Variants in CTNNA3 observed in about 807,000 individuals in gnomAD.
The protein encoded by CTNNA3 is catenin alpha-3.
Under a neutral mutation model 95.7 loss-of-function variants are expected in CTNNA3, and 76 were observed. The observed-to-expected ratio is 0.79, with a 90% CI of 0.66 to 0.96. The LOEUF is 0.96. Among genes scored for constraint, CTNNA3 ranks in the 40% least tolerant of loss-of-function variants. The probability of loss-of-function intolerance (pLI) is 0.00; values close to 1 mark genes in which losing one functional copy is unlikely to be tolerated. For synonymous variants in CTNNA3, 431 were observed against 374.4 expected (o/e 1.15, Z -1.74); for missense variants, 1,191 against 1,089.8 (o/e 1.09, Z -1.31).
chr10:66,619,224 G>A (rs1024797746), intron 10 of CTNNA3, among the ~76,000 whole-genome samples: 1 of 151,282 alleles, frequency 6.6e-6, no homozygotes, highest in South Asian at 2.1e-4. Context: ...TATACCCAAA[G>A]GACTATAAAT....
chr10:66,570,283 T>C lies in CTNNA3; in HGVS notation c.1375-49510A>G, dbSNP rs780681528. Among the ~76,000 whole-genome samples the C allele has an allele frequency of 5.8e-4, 82 of 140,304 alleles. 2 individuals are homozygous for C. The highest frequency in any genetic ancestry group is 9.5e-4 in the Non-Finnish European group (64 of 67,204). 92.0% of individuals were successfully genotyped at this position (140,304 alleles called of 152,430 possible). A position where few individuals can be genotyped will look rare whatever the true frequency, so the allele number is the denominator to read the frequency against. ...TACCTTTCAAAAATATGATTTGTTT[T>C]GTTTTGTTTTGTTTTGTTTTGTTTT... On this transcript the variant is annotated intron_variant, in intron 10 of 17. Coordinates refer to ENST00000433211, the MANE Select transcript of CTNNA3 (RefSeq NM_013266.4).
intron 1 of CTNNA3, among the ~76,000 whole-genome samples, chr10:67,728,175 T>C (rs1841254787): frequency 6.8e-6 from 1 of 147,678 alleles, no homozygotes. Context: ...GAATATAAGC[T>C]GGGCCCAGTG....
At chr10:67,041,029 G>A (rs543432282) in intron 7 of CTNNA3, among the ~76,000 whole-genome samples, 2 of 152,102 alleles carry the variant, frequency 1.3e-5, no homozygotes, top group East Asian at 3.9e-4. Flanking sequence ...AGAAAAAGCA[G>A]ATCTTTTTAC....
intron 15 of CTNNA3, among the ~76,000 whole-genome samples, chr10:66,063,000 T>C (rs12356900): frequency 6.6e-6 from 1 of 151,716 alleles, no homozygotes; most frequent in African/African-American, 2.4e-5. Flanking sequence ...GAGGGAGACA[T>C]GTACAGAGCA....
chr10:66,714,286 T>C (rs1281269216), intron 9 of CTNNA3, among the ~76,000 whole-genome samples: 1 of 152,132 alleles, frequency 6.6e-6, no homozygotes, highest in Non-Finnish European at 1.5e-5. Context: ...TCAATTAAAT[T>C]GCACCTTTAC....
chr10:66,395,001 CTAAG>C (rs930868046), intron 11 of CTNNA3, among the ~76,000 whole-genome samples: 7 of 151,882 alleles, frequency 4.6e-5, no homozygotes, highest in African/African-American at 1.7e-4. Flanking sequence ...GTAAATTTTA[CTAAG>C]TTTTTATTTA....
chr10:67,370,103 G>T (rs926851573), intron 5 of CTNNA3, among the ~76,000 whole-genome samples: 11 of 152,242 alleles, frequency 7.2e-5, no homozygotes, highest in Middle Eastern at 3.4e-3. Context: ...AATGGCAAAA[G>T]ATTGAAAATC....
chr10:67,324,419 C>A (rs1234300173), intron 5 of CTNNA3, among the ~76,000 whole-genome samples: 2 of 152,058 alleles, frequency 1.3e-5, no homozygotes, highest in African/African-American at 4.8e-5. Context: ...TCCTTCAATA[C>A]CTAGTTTATT....
upstream of CTNNA3, among the ~76,000 whole-genome samples, chr10:67,698,288 T>C (rs187360217): frequency 6.6e-6 from 1 of 152,208 alleles, no homozygotes; most frequent in East Asian, 1.9e-4. Context: ...GGGCCATTAC[T>C]AGCAATTCTC....
At position 67,083,388 on chromosome 10, in the gene CTNNA3, T is replaced by G. The variant is rs576377185; in HGVS notation, c.1047+96929A>C. ...TTCTTGGGGCTACCATCTAGGAAAT[T>G]TGTCTCAGTGCAAAAAAAAAAAGTA... On this transcript the variant is annotated intron_variant, in intron 7 of 17. Transcript: ENST00000433211. Among the ~76,000 whole-genome samples, 48 of 152,036 alleles carry G rather than the reference T, an allele frequency of 3.2e-4. No individual in the cohort carries two copies. In the South Asian group the frequency reaches 8.7e-3, roughly 28 times the overall value.
At chr10:66,780,239 T>C (rs1209882495) in intron 7 of CTNNA3, among the ~76,000 whole-genome samples, 1 of 152,020 alleles carries the variant, frequency 6.6e-6, no homozygotes, top group Non-Finnish European at 1.5e-5. Flanking sequence ...AATCAGTCCA[T>C]TATATCAAAC....
At chr10:66,839,717 G>A (rs560090492) in intron 7 of CTNNA3, among the ~76,000 whole-genome samples, 15 of 151,868 alleles carry the variant, frequency 9.9e-5, no homozygotes, top group South Asian at 4.2e-4. Flanking sequence ...AAGAACATTC[G>A]GAAAAACACA....
At chr10:66,241,156 TA>T (rs66754859) in intron 13 of CTNNA3, among the ~76,000 whole-genome samples, 114,512 of 151,364 alleles carry the variant, frequency 0.76, 43,560 homozygotes, top group South Asian at 0.87. Flanking sequence ...TTAAAAGGGT[TA>T]AAAAAAAACA....
rs138857818 is a variant in CTNNA3 at position 67,113,533 on chromosome 10, A to C, written c.1047+66784T>G. On this transcript the variant is annotated intron_variant, in intron 7 of 17. Coordinates refer to ENST00000433211, the MANE Select transcript of CTNNA3 (RefSeq NM_013266.4). ...GAAACATATTCTCAGGTGATCGGTT[A>C]GAGTCCAACAAGGTTTATTTTCAAA... Among the ~76,000 whole-genome samples the C allele has an allele frequency of 2.3e-3, 346 of 152,312 alleles. 2 individuals carry two copies. The highest frequency in any genetic ancestry group is 8.2e-3 in the African/African-American group (339 of 41,578).
At chr10:66,817,969 G>T (rs1440442414) in intron 7 of CTNNA3, among the ~76,000 whole-genome samples, 1 of 151,836 alleles carries the variant, frequency 6.6e-6, no homozygotes, top group African/African-American at 2.4e-5. Context: ...TTCCAGGAAG[G>T]CAAGACCGTT....
At chr10:65,949,817 A>G (rs1344100430) in intron 17 of CTNNA3, among the ~76,000 whole-genome samples, 1 of 152,094 alleles carries the variant, frequency 6.6e-6, no homozygotes, top group Non-Finnish European at 1.5e-5. Flanking sequence ...GGCTGACAAC[A>G]TTATCCAGAA....
At chr10:67,435,257 A>T (rs1453194742) in intron 5 of CTNNA3, among the ~76,000 whole-genome samples, 1 of 152,052 alleles carries the variant, frequency 6.6e-6, no homozygotes, top group Non-Finnish European at 1.5e-5. Context: ...CATACTGTTC[A>T]GCAACATAGA....
intron 6 of CTNNA3, among the ~76,000 whole-genome samples, chr10:67,212,022 T>A (rs1051226293): frequency 6.6e-6 from 1 of 152,038 alleles, no homozygotes; most frequent in African/African-American, 2.4e-5. Flanking sequence ...AGCACAAGGG[T>A]TCACACAGAC....
intron 15 of CTNNA3, among the ~76,000 whole-genome samples, chr10:66,037,464 T>C (rs1286279763): frequency 1.3e-5 from 2 of 152,146 alleles, no homozygotes; most frequent in East Asian, 3.9e-4. Context: ...TTCAGCCCAT[T>C]CTCTCTCATT....
Sources: allele counts gnomAD v4.1 joint callset (sites outside exome capture counted in the v4.1 genomes callset), GRCh38; gene constraint gnomAD v4.1.1; transcripts MANE v1.5; gene names NCBI Gene and HGNC (gene_info 2026-07-23, HGNC 2026-07-21).